Variants in DRC5 observed in about 807,000 individuals in gnomAD.
The protein encoded by DRC5 is T-complex-associated testis-expressed protein 1.
At chr6:44,286,585 A>C in the DRC5 span, 75 of 1,503,702 alleles carry the variant, frequency 5.0e-5, no homozygotes, top group Non-Finnish European at 6.3e-5. Context: ...GGGACACCTC[A>C]ACATGATGCC....
the DRC5 span, chr6:44,280,302 C>T: frequency 6.2e-7 from 1 of 1,614,230 alleles, no homozygotes; most frequent in East Asian, 2.2e-5. Context: ...GAGGTACTCG[C>T]TTTCCTGGGC....
chr6:44,280,083 T>TC, the DRC5 span: 1 of 1,127,656 alleles, frequency 8.9e-7, no homozygotes, highest in Non-Finnish European at 1.3e-6. Flanking sequence ...ACAGTCCCCC[T>TC]CCCCGCTCCC....
chr6:44,285,871 G>A, the DRC5 span: 1 of 1,199,620 alleles, frequency 8.3e-7, no homozygotes, highest in Non-Finnish European at 1.2e-6. Flanking sequence ...GAAGGAAATA[G>A]GAAGAAGGCA....
the DRC5 span, among the ~76,000 whole-genome samples, chr6:44,291,667 T>A: frequency 5.9e-5 from 9 of 152,236 alleles, no homozygotes; most frequent in Non-Finnish European, 1.0e-4. Context: ...ACTCATTCCT[T>A]CTGATGGGTT....
chr6:44,292,103 T>C, the DRC5 span, among the ~76,000 whole-genome samples: 2 of 152,188 alleles, frequency 1.3e-5, no homozygotes, highest in Non-Finnish European at 1.5e-5. Context: ...GCAGGCTCCA[T>C]GTAAGCCCTC....
At chr6:44,279,935 T>G in the DRC5 span, 1 of 386,080 alleles carries the variant, frequency 2.6e-6, no homozygotes. Context: ...AGTTGGTCAT[T>G]TGTGGGTGTC....
At chr6:44,288,501 A>T in the DRC5 span, among the ~76,000 whole-genome samples, 1 of 152,130 alleles carries the variant, frequency 6.6e-6, no homozygotes, top group Non-Finnish European at 1.5e-5. Context: ...TGAGGGGTGT[A>T]TATTGCCAAA....
the DRC5 span, among the ~76,000 whole-genome samples, chr6:44,291,358 TA>T: frequency 6.6e-6 from 1 of 152,192 alleles, no homozygotes; most frequent in Non-Finnish European, 1.5e-5. Flanking sequence ...TCTAAGTGTT[TA>T]AAAAAATCTA....
the DRC5 span, chr6:44,279,951 A>C: frequency 4.4e-6 from 2 of 454,618 alleles, no homozygotes; most frequent in Non-Finnish European, 7.8e-6. Flanking sequence ...GTGTCCAGTA[A>C]TATCCTTTCC....
the DRC5 span, among the ~76,000 whole-genome samples, chr6:44,297,257 C>T: frequency 1.3e-4 from 20 of 152,228 alleles, no homozygotes; most frequent in Non-Finnish European, 2.9e-4. Context: ...GGGATTACAG[C>T]CCTCGGGTGA....
chr6:44,283,564 C>A, the DRC5 span, among the ~76,000 whole-genome samples: 1 of 152,188 alleles, frequency 6.6e-6, no homozygotes, highest in African/African-American at 2.4e-5. Flanking sequence ...TTTTATACCC[C>A]TCTTACCCAG....
the DRC5 span, chr6:44,279,995 C>T: frequency 1.7e-6 from 1 of 581,854 alleles, no homozygotes; most frequent in African/African-American, 1.9e-5. Context: ...ACTGCATACC[C>T]TTTCTTCCCC....
the DRC5 span, chr6:44,286,237 G>C: frequency 6.2e-7 from 1 of 1,612,482 alleles, no homozygotes; most frequent in Non-Finnish European, 8.5e-7. Context: ...GATCGACGTG[G>C]ACCCTGCGCA....
chr6:44,289,367 G>A, the DRC5 span, among the ~76,000 whole-genome samples: 3 of 152,150 alleles, frequency 2.0e-5, no homozygotes, highest in South Asian at 2.1e-4. Context: ...AGCCCAGTAT[G>A]TCTAAAATGT....
chr6:44,294,676 A>G, the DRC5 span, among the ~76,000 whole-genome samples: 1 of 151,332 alleles, frequency 6.6e-6, no homozygotes, highest in Non-Finnish European at 1.5e-5. Flanking sequence ...TAATTAGGGG[A>G]AAAAAATGAA....
At chr6:44,291,491 T>C in the DRC5 span, among the ~76,000 whole-genome samples, 2 of 152,222 alleles carry the variant, frequency 1.3e-5, no homozygotes, top group African/African-American at 2.4e-5. Context: ...CCTTGGCAGG[T>C]TGCCTTCTGA....
At chr6:44,296,458 C>A in the DRC5 span, among the ~76,000 whole-genome samples, 3 of 152,330 alleles carry the variant, frequency 2.0e-5, no homozygotes, top group East Asian at 5.8e-4. Context: ...TGGCATATTC[C>A]CTCCACAGGA....
chr6:44,294,706 A>G, the DRC5 span, among the ~76,000 whole-genome samples: 7 of 130,922 alleles, frequency 5.3e-5, no homozygotes, highest in Admixed American at 2.7e-4. Flanking sequence ...CAGGAGGCAG[A>G]GGTTGCAGTG....
chr6:44,289,484 C>A, the DRC5 span, among the ~76,000 whole-genome samples: 1 of 152,066 alleles, frequency 6.6e-6, no homozygotes, highest in Non-Finnish European at 1.5e-5. Flanking sequence ...ATTGAGCCTA[C>A]CGTTTCAATG....
Sources: gnomAD v4.1 joint callset for allele counts (sites outside exome capture counted in the v4.1 genomes callset) on GRCh38, gnomAD v4.1.1 for gene constraint, MANE v1.5 for transcripts, NCBI Gene and HGNC (gene_info 2026-07-23, HGNC 2026-07-21) for gene names.